MNAT1: variants seen among roughly 807,000 people sequenced by gnomAD.
The protein encoded by MNAT1 is CDK-activating kinase assembly factor MAT1.
In MNAT1, 43 loss-of-function variants were observed where a neutral mutation model predicts 42.0. That is an observed-to-expected ratio of 1.02 (90% CI 0.80 to 1.32). The LOEUF is 1.32. MNAT1 is among the 40% of genes most tolerant of loss of function. The pLI, the probability that MNAT1 is intolerant of heterozygous loss-of-function variation, is 0.00. For synonymous variants in MNAT1, 118 were observed against 120.0 expected, an observed-to-expected ratio of 0.98 and a Z score of 0.11; for missense variants, 306 against 350.4, an observed-to-expected ratio of 0.87 and a Z score of 1.01.
At chr14:60,836,125 A>T (rs113548187) in intron 6 of MNAT1, among the ~76,000 whole-genome samples, 2 of 152,080 alleles carry the variant, frequency 1.3e-5, no homozygotes, top group African/African-American at 4.8e-5. Flanking sequence ...TATTCTGGTT[A>T]GCAATTCCTC....
intron 1 of MNAT1, among the ~76,000 whole-genome samples, chr14:60,744,556 G>T (rs1198785384): frequency 6.6e-6 from 1 of 152,130 alleles, no homozygotes; most frequent in Admixed American, 6.5e-5. Flanking sequence ...TCTGGATTTT[G>T]TATTTTTGTG....
intron 7 of MNAT1, among the ~76,000 whole-genome samples, chr14:60,918,722 C>G (rs2035586184): frequency 7.6e-6 from 1 of 130,884 alleles, no homozygotes; most frequent in South Asian, 2.6e-4. Flanking sequence ...TGTTTAATGA[C>G]TATCCAGATG....
intron 1 of MNAT1, among the ~76,000 whole-genome samples, chr14:60,794,375 GA>G (rs2031931675): frequency 6.6e-6 from 1 of 151,772 alleles, no homozygotes; most frequent in Non-Finnish European, 1.5e-5. Flanking sequence ...TATTAAGATA[GA>G]AATATAGGCC....
rs368708030 is a variant in MNAT1 at position 60,963,190 on chromosome 14, C to T, written c.810-5039C>T. ...AGATTCGGGTTTTCACCATGTTGGT[C>T]AGGCTGGTCTGGAACTCCTGACCTC... On this transcript the variant is annotated intron_variant, in intron 7 of 7. Coordinates refer to ENST00000261245, the MANE Select transcript of MNAT1 (RefSeq NM_002431.4). Among the ~76,000 whole-genome samples, 5 of 152,088 alleles carry T rather than the reference C, an allele frequency of 3.3e-5. No individual in the cohort carries two copies. In the East Asian group the frequency reaches 9.7e-4, roughly 29 times the overall value.
intron 6 of MNAT1, among the ~76,000 whole-genome samples, chr14:60,833,545 A>T (rs2033285665): frequency 2.0e-5 from 3 of 152,170 alleles, no homozygotes; most frequent in Admixed American, 1.3e-4. Flanking sequence ...ATTGTGGTGG[A>T]TAAGCTTTTG....
intron 7 of MNAT1, among the ~76,000 whole-genome samples, chr14:60,889,474 GT>G (rs1454418624): frequency 1.3e-5 from 2 of 152,020 alleles, no homozygotes; most frequent in African/African-American, 4.8e-5. Flanking sequence ...AGACTTAAAC[GT>G]TAGATCTAAA....
chr14:60,878,296 C>CT (rs1314475203), intron 6 of MNAT1, among the ~76,000 whole-genome samples: 4 of 152,180 alleles, frequency 2.6e-5, no homozygotes, highest in African/African-American at 9.6e-5. Context: ...CCCTAAATAA[C>CT]TGAGGGTCCT....
At chr14:60,764,672 C>T (rs1053134585) in intron 1 of MNAT1, among the ~76,000 whole-genome samples, 1 of 152,088 alleles carries the variant, frequency 6.6e-6, no homozygotes, top group African/African-American at 2.4e-5. Flanking sequence ...GATTTTGATG[C>T]CCAAGTGAAG....
chr14:60,867,839 C>A (rs1255244528), intron 6 of MNAT1, among the ~76,000 whole-genome samples: 1 of 152,040 alleles, frequency 6.6e-6, no homozygotes, highest in Non-Finnish European at 1.5e-5. Flanking sequence ...AGTTACATCT[C>A]AGCCTGTAGG....
intron 7 of MNAT1, among the ~76,000 whole-genome samples, chr14:60,889,831 C>T (rs2034790554): frequency 6.6e-6 from 1 of 152,116 alleles, no homozygotes; most frequent in Non-Finnish European, 1.5e-5. Context: ...GTTTATGCAG[C>T]CAAAAAACAC....
At chr14:60,779,001 G>A (rs958903872) in intron 1 of MNAT1, among the ~76,000 whole-genome samples, 7 of 152,152 alleles carry the variant, frequency 4.6e-5, no homozygotes, top group South Asian at 2.1e-4. Context: ...CTTGTCTCCA[G>A]AAGTAGAAAT....
chr14:60,802,573 A>C (rs2032240095), intron 3 of MNAT1, among the ~76,000 whole-genome samples: 2 of 152,314 alleles, frequency 1.3e-5, no homozygotes, highest in South Asian at 4.1e-4. Context: ...AGGGGCCATT[A>C]CAGTAATTTG....
intron 7 of MNAT1, among the ~76,000 whole-genome samples, chr14:60,943,557 A>G (rs2036218055): frequency 6.6e-6 from 1 of 152,028 alleles, no homozygotes; most frequent in Non-Finnish European, 1.5e-5. Context: ...GTTAGAGTCA[A>G]TTATCTGTTC....
intron 6 of MNAT1, among the ~76,000 whole-genome samples, chr14:60,854,117 C>T (rs1436670194): frequency 6.6e-6 from 1 of 152,174 alleles, no homozygotes; most frequent in Non-Finnish European, 1.5e-5. Flanking sequence ...GTATGCTTCA[C>T]GAAGTTCTCG....
At chr14:60,946,082 C>T (rs1211248570) in intron 7 of MNAT1, among the ~76,000 whole-genome samples, 3 of 152,156 alleles carry the variant, frequency 2.0e-5, no homozygotes, top group African/African-American at 7.2e-5. Context: ...GTTCCATGGC[C>T]TACTTTTGAT....
chr14:60,791,571 A>G (rs1192803334), intron 1 of MNAT1, among the ~76,000 whole-genome samples: 1 of 152,190 alleles, frequency 6.6e-6, no homozygotes, highest in Non-Finnish European at 1.5e-5. Flanking sequence ...CAAAGTTTAA[A>G]TTGAGAATGC....
chr14:60,836,650 G>A (rs758188063), intron 6 of MNAT1, among the ~76,000 whole-genome samples: 15 of 152,188 alleles, frequency 9.9e-5, no homozygotes, highest in Non-Finnish European at 1.9e-4. Flanking sequence ...GCCAGACAGA[G>A]CTCTCCTGTA....
chr14:60,800,663 A>G (rs545143100), intron 3 of MNAT1, among the ~76,000 whole-genome samples: 10 of 152,324 alleles, frequency 6.6e-5, no homozygotes, highest in Non-Finnish European at 1.3e-4. Context: ...GAATGACTAT[A>G]TACTTCCTAT....
chr14:60,899,842 C>T (rs1188938932), intron 7 of MNAT1, among the ~76,000 whole-genome samples: 1 of 152,112 alleles, frequency 6.6e-6, no homozygotes, highest in Non-Finnish European at 1.5e-5. Flanking sequence ...ACAGCATGTA[C>T]TCACCTCATG....
Sources: gnomAD v4.1 joint callset for allele counts (sites outside exome capture counted in the v4.1 genomes callset) on GRCh38, gnomAD v4.1.1 for gene constraint, MANE v1.5 for transcripts, NCBI Gene and HGNC (gene_info 2026-07-23, HGNC 2026-07-21) for gene names.